The following TRPM8 variants were observed in gnomAD, a reference collection of about 807,000 sequenced individuals.
TRPM8 encodes the protein transient receptor potential cation channel subfamily M member 8.
TRPM8 carries 110 observed loss-of-function variants against 133.7 expected under a neutral mutation model. That is an observed-to-expected ratio of 0.82 (90% CI 0.70 to 0.96). The LOEUF (loss-of-function observed/expected upper bound fraction) is 0.96, where lower values mean the gene tolerates loss of function less well. Among genes scored for constraint, TRPM8 ranks in the 40% least tolerant of loss-of-function variants. The pLI is 0.00. For missense variants in TRPM8, 1,291 were observed against 1,379.5 expected, an observed-to-expected ratio of 0.94 and a Z score of 1.02; for synonymous variants, 535 against 532.3, an observed-to-expected ratio of 1.01 and a Z score of -0.07.
chr2:233,924,684 A>G (rs773323440), intron 1 of TRPM8, among the ~76,000 whole-genome samples: 5 of 152,168 alleles, frequency 3.3e-5, no homozygotes, highest in African/African-American at 9.7e-5. Context: ...TGGCTTCCCA[A>G]TGTTTTCTTT....
At chr2:233,922,089 G>C (rs1691423723) in intron 1 of TRPM8, among the ~76,000 whole-genome samples, 3 of 136,474 alleles carry the variant, frequency 2.2e-5, no homozygotes, top group Admixed American at 7.0e-5. Flanking sequence ...ACAGTCGCAA[G>C]GGTCTCTGTC....
chr2:233,988,349 C>T (rs1692198750), intron 21 of TRPM8, among the ~76,000 whole-genome samples: 1 of 152,084 alleles, frequency 6.6e-6, no homozygotes, highest in Non-Finnish European at 1.5e-5. Context: ...CCCCACTTCA[C>T]ACAGAGACTC....
At chr2:233,981,952 T>C (rs200951525) in intron 19 of TRPM8, 37 bp downstream of exon 19, 8 of 1,563,976 alleles carry the variant, frequency 5.1e-6, no homozygotes, top group Non-Finnish European at 6.0e-6. Context: ...TCATTTTTCT[T>C]GCGGGGCCCA....
Position 234,018,441 on chromosome 2 carries a change from T to C in TRPM8, c.*1185T>C, listed in dbSNP as rs1693011498. On this transcript the variant is annotated 3_prime_UTR_variant, in exon 26 of 26. Transcript: ENST00000324695. Reference sequence around the variant, plus strand: ...CTATTTATTATTAAATATTAAAATATCTATTTATTATTAAAACCATTTATA... The same window carrying C: ...CTATTTATTATTAAATATTAAAATACCTATTTATTATTAAAACCATTTATA... The C allele has an allele frequency of 6.6e-6, 1 of 151,544 alleles. No individual in the cohort carries two copies. Among genetic ancestry groups the C allele is most frequent in the Non-Finnish European group, 1.5e-5 (1 of 67,902 alleles). The allele number at this position is 151,544 out of a possible 1,614,324, so 9.4% of individuals were successfully genotyped here.
intron 21 of TRPM8, among the ~76,000 whole-genome samples, chr2:233,987,872 G>A (rs886961965): frequency 3.3e-5 from 5 of 152,132 alleles, no homozygotes; most frequent in Admixed American, 6.5e-5. Context: ...CATTCTGTTT[G>A]CCTGCTGCCA....
chr2:233,956,884 A>C (rs1385495654), intron 11 of TRPM8, among the ~76,000 whole-genome samples: 1 of 152,154 alleles, frequency 6.6e-6, no homozygotes, highest in Non-Finnish European at 1.5e-5. Context: ...TCATAAATGA[A>C]TTACTGTGTG....
chr2:234,005,927 T>TACACAC (rs35379195), intron 22 of TRPM8, among the ~76,000 whole-genome samples: 20,193 of 135,812 alleles, frequency 0.15, 1,649 homozygotes, highest in African/African-American at 0.19. Flanking sequence ...AAACGTCATC[T>TACACAC]ACACACACAC....
intron 1 of TRPM8, among the ~76,000 whole-genome samples, chr2:233,922,085 G>A (rs532431096): frequency 7.0e-5 from 10 of 143,024 alleles, no homozygotes; most frequent in East Asian, 2.1e-4. Context: ...GGTTACAGTC[G>A]CAAGGGTCTC....
At chr2:233,967,625 G>A (rs1192745740) in intron 15 of TRPM8, among the ~76,000 whole-genome samples, 1 of 152,208 alleles carries the variant, frequency 6.6e-6, no homozygotes, top group African/African-American at 2.4e-5. Flanking sequence ...GACTTTCCAT[G>A]ATATCATACA....
intron 18 of TRPM8, 138 bp downstream of exon 18, chr2:233,980,417 TAGAG>T (rs1319597271): frequency 3.5e-6 from 2 of 571,606 alleles, no homozygotes; most frequent in African/African-American, 3.9e-5. Context: ...GTCTGCTTTA[TAGAG>T]ATACACCTTG....
At chr2:234,004,227 G>A (rs564298203) in intron 22 of TRPM8, among the ~76,000 whole-genome samples, 7 of 152,212 alleles carry the variant, frequency 4.6e-5, no homozygotes, top group African/African-American at 7.2e-5. Flanking sequence ...TTATATTCTC[G>A]GAAGAAACAA....
Position 233,955,197 on chromosome 2 carries a change from A to C in TRPM8, c.1309A>C (p.Asn437His). 1 of 1,614,146 alleles carries C rather than the reference A, an allele frequency of 6.2e-7. No individual in the cohort carries two copies. The highest frequency in any genetic ancestry group is 1.1e-5 in the South Asian group (1 of 91,072). The change falls in exon 11 of 26, where the codon AAC becomes CAC. Residue 437 changes from asparagine (N) to histidine (H), a missense_variant. By Grantham distance (68) the Asn-to-His change is moderately conservative. Transcript: ENST00000324695. ...NGQLKLLLEW[N>H]QLDLANDEIF... ...GCAGCTGAAGCTTCTGCTGGAGTGG[A>C]ACCAGCTGGACTTAGCCAATGATGA...
At chr2:233,972,464 G>A (rs779119283) in intron 17 of TRPM8, among the ~76,000 whole-genome samples, 5 of 152,262 alleles carry the variant, frequency 3.3e-5, no homozygotes, top group East Asian at 1.9e-4. Flanking sequence ...TGCGCTGTGC[G>A]CCCGCACTCC....
Position 233,929,387 on chromosome 2 carries a change from A to T in TRPM8, c.118-1281A>T, listed in dbSNP as rs73120730. Reference sequence around the variant, plus strand: ...TTGCAGGGGCAGAAGGTGAGAAGGGAAGGGGGCACATTGTGAACTTCATTC... The same window carrying T: ...TTGCAGGGGCAGAAGGTGAGAAGGGTAGGGGGCACATTGTGAACTTCATTC... On this transcript the variant is annotated intron_variant, in intron 2 of 25. Transcript: ENST00000324695. 5.7e-3 allele frequency among the ~76,000 whole-genome samples: 867 copies of T among 152,248 alleles called. 14 individuals carry two copies. Among genetic ancestry groups the T allele is most frequent in the African/African-American group, 0.02 (835 of 41,544 alleles).
At chr2:233,929,407 T>C (rs1305755361) in intron 2 of TRPM8, among the ~76,000 whole-genome samples, 2 of 152,190 alleles carry the variant, frequency 1.3e-5, no homozygotes, top group Non-Finnish European at 2.9e-5. Flanking sequence ...ATTGTGAACT[T>C]CATTCCAGGA....
intron 1 of TRPM8, among the ~76,000 whole-genome samples, chr2:233,925,128 A>G (rs185450540): frequency 2.3e-3 from 352 of 152,304 alleles, no homozygotes; most frequent in Non-Finnish European, 3.9e-3. Flanking sequence ...TGTCTTAGAC[A>G]TTTCTGCATT....
chr2:233,945,720 C>T (rs971340742), intron 6 of TRPM8, 136 bp from the exon 7 acceptor site: 1 of 697,700 alleles, frequency 1.4e-6, no homozygotes, highest in African/African-American at 1.8e-5. Context: ...TAAGACCCCT[C>T]TGGATTTAGG....
intron 9 of TRPM8, among the ~76,000 whole-genome samples, chr2:233,953,380 G>A (rs1012997037): frequency 1.3e-5 from 2 of 152,312 alleles, no homozygotes; most frequent in South Asian, 2.1e-4. Context: ...GCCAGTGCTT[G>A]TAACCTTGAA....
chr2:233,943,071 T>A, intron 6 of TRPM8: 5 of 280,760 alleles, frequency 1.8e-5, no homozygotes, highest in Admixed American at 5.1e-5. Context: ...CAGTATCTTT[T>A]TTTTTTTTTT....
Sources: gnomAD v4.1 joint callset for allele counts (sites outside exome capture counted in the v4.1 genomes callset) on GRCh38, gnomAD v4.1.1 for gene constraint, MANE v1.5 for transcripts, NCBI Gene and HGNC (gene_info 2026-07-23, HGNC 2026-07-21) for gene names.